Variants in FEM1B observed in about 807,000 individuals in gnomAD.
FEM1B encodes the protein fem-1 homolog B.
FEM1B carries 10 observed loss-of-function variants against 38.6 expected under a neutral mutation model. The ratio of observed to expected loss-of-function variants is 0.26; its 90% CI spans 0.16 to 0.44. The LOEUF is 0.44. Ranked by LOEUF, FEM1B falls within the 20% of genes least tolerant of loss-of-function variation. FEM1B has a pLI of 1.00. For missense variants in FEM1B, 471 were observed against 786.7 expected (o/e 0.60, Z 4.80); for synonymous variants, 288 against 288.0 (o/e 1.00, Z 0.00).
Position 68,281,962 on chromosome 15 carries a change from C to T in FEM1B, c.248+3297C>T, listed in dbSNP as rs1042081924. Among the ~76,000 whole-genome samples the T allele has an allele frequency of 3.3e-5, 5 of 151,866 alleles. No homozygotes were observed. The highest frequency in any genetic ancestry group is 4.2e-4 in the South Asian group (2 of 4,812). On this transcript the variant is annotated intron_variant, in intron 1 of 1. Coordinates refer to ENST00000306917, the MANE Select transcript of FEM1B (RefSeq NM_015322.5). This position sits in a 1 kb window ranked among gnomAD's most constrained non-coding sequence, Gnocchi z 5.1. ...ACATTTGAGATTATTTTACTTGTGG[C>T]GTGACATGTGAATACCATGTTGATA...
At position 68,294,998 on chromosome 15, in the gene FEM1B, C is replaced by T. The variant is rs891505553; in HGVS notation, c.*3756C>T. The T allele has an allele frequency of 2.6e-5, 4 of 152,154 alleles. No individual in the cohort carries two copies. The highest frequency in any genetic ancestry group is 5.9e-5 in the Non-Finnish European group (4 of 67,998). The allele number at this position is 152,154 out of a possible 1,614,324, so 9.4% of individuals were successfully genotyped here. A position where few individuals can be genotyped will look rare whatever the true frequency, so the allele number is the denominator to read the frequency against. On this transcript the variant is annotated 3_prime_UTR_variant, in exon 2 of 2. Coordinates refer to ENST00000306917, the MANE Select transcript of FEM1B (RefSeq NM_015322.5). This position sits in a 1 kb window ranked among gnomAD's most constrained non-coding sequence, Gnocchi z 4.4. Reference sequence around the variant, plus strand: ...CATTGCAGGGCTTTCTTATGTATTTCTGGCAGACTTGCCCAAATCTTTAGA... The same window carrying T: ...CATTGCAGGGCTTTCTTATGTATTTTTGGCAGACTTGCCCAAATCTTTAGA...
At chr15:68,283,126 T>C (rs1333390709) in intron 1 of FEM1B, among the ~76,000 whole-genome samples, 1 of 149,536 alleles carries the variant, frequency 6.7e-6, no homozygotes, top group Non-Finnish European at 1.5e-5. Flanking sequence ...GTAGTTTCCA[T>C]TATAAAAACC....
Position 68,288,124 on chromosome 15 carries a change from C to G in FEM1B, c.249-1483C>G, listed in dbSNP as rs1350605402. On this transcript the variant is annotated intron_variant, in intron 1 of 1. Transcript: ENST00000306917. The surrounding 1 kb of genome is among the most constrained non-coding windows in gnomAD (Gnocchi z 4.6). ...AGATGATAGGCGTGAGCCACCATGC[C>G]AGGCCTAACGCCTCTTGTGTGTGGT... Among the ~76,000 whole-genome samples, 1 of 152,228 alleles carries G rather than the reference C, an allele frequency of 6.6e-6. No homozygotes were observed. The highest frequency in any genetic ancestry group is 6.5e-5 in the Admixed American group (1 of 15,282).
At chr15:68,285,691 C>G (rs1228106830) in intron 1 of FEM1B, among the ~76,000 whole-genome samples, 2 of 143,466 alleles carry the variant, frequency 1.4e-5, no homozygotes, top group Non-Finnish European at 3.1e-5. Flanking sequence ...CTTGTTCAGT[C>G]TTTTTTTTTT....
In FEM1B at chr15:68,288,821, G is replaced by A. The variant is rs1239781138; in HGVS notation, c.249-786G>A. Among the ~76,000 whole-genome samples the A allele has an allele frequency of 1.3e-5, 2 of 152,042 alleles. No homozygotes were observed. The highest frequency in any genetic ancestry group is 6.6e-5 in the Admixed American group (1 of 15,250). ...TAAAACTTTTAAATTGGAGCATAAC[G>A]TAACTTAGAGAAAAATGCACTAATT... is the stretch of plus-strand genomic sequence containing the variant. On this transcript the variant is annotated intron_variant, in intron 1 of 1. Transcript: ENST00000306917. The surrounding 1 kb of genome is among the most constrained non-coding windows in gnomAD (Gnocchi z 4.6).
In FEM1B at chr15:68,278,600, G is replaced by A. The variant is rs762729208; in HGVS notation, c.183G>A (p.Val61=). Reference sequence around the variant, plus strand: ...CAGCCCGCAATGGACACGCAAAGGTGGTACGCTTGCTCTTAGAACATTACC... The same window carrying A: ...CAGCCCGCAATGGACACGCAAAGGTAGTACGCTTGCTCTTAGAACATTACC... ...IIAARNGHAK[V]VRLLLEHYRV... The change falls in exon 1 of 2, where the codon GTG becomes GTA. Residue 61 remains valine, a synonymous_variant. Coordinates refer to ENST00000306917, the MANE Select transcript of FEM1B (RefSeq NM_015322.5). The surrounding 1 kb of genome is among the most constrained non-coding windows in gnomAD (Gnocchi z 5.7). 6.2e-7 allele frequency: 1 copy of A among 1,614,122 alleles called. No homozygotes were observed. Among genetic ancestry groups the A allele is most frequent in the Admixed American group, 1.7e-5 (1 of 60,022 alleles).
Position 68,290,789 on chromosome 15 carries a change from T to C in FEM1B, c.1431T>C (p.Leu477=). 1 of 1,614,158 alleles carries C rather than the reference T, an allele frequency of 6.2e-7. No individual in the cohort carries two copies. The highest frequency in any genetic ancestry group is 8.5e-7 in the Non-Finnish European group (1 of 1,179,982). ...AGCAGATCTACAACCTGATTCACCT[T>C]GATCCCAGAACTCGTGAAGGTTTCA... ...INKQIYNLIH[L]DPRTREGFTL... The change falls in exon 2 of 2, where the codon CTT becomes CTC. Residue 477 remains leucine (L), a synonymous_variant. Transcript: ENST00000306917. This position sits in a 1 kb window ranked among gnomAD's most constrained non-coding sequence, Gnocchi z 9.7.
rs1041019527 is a variant in FEM1B, at chr15:68,277,750, C to T, written c.-668C>T. 2 of 152,378 alleles carry T rather than the reference C, an allele frequency of 1.3e-5. No individual in the cohort carries two copies. The highest frequency in any genetic ancestry group is 2.9e-5 in the Non-Finnish European group (2 of 68,110). 9.4% of individuals were successfully genotyped at this position (152,378 alleles called of 1,614,324 possible). ...GCGTCCCTCCCGCTCCCGCCCTCTC[C>T]TCCCGGCCCTGTCTGCGAAAGCTCG... On this transcript the variant is annotated 5_prime_UTR_variant, in exon 1 of 2. Transcript: ENST00000306917.
intron 1 of FEM1B, among the ~76,000 whole-genome samples, chr15:68,287,774 G>A (rs995576569): frequency 6.6e-6 from 1 of 151,422 alleles, no homozygotes; most frequent in Non-Finnish European, 1.5e-5. Context: ...GAGGAATCCT[G>A]TGTCCTCACA....
intron 1 of FEM1B, among the ~76,000 whole-genome samples, chr15:68,287,192 GATTCAT>G (rs1892798389): frequency 6.6e-6 from 1 of 152,000 alleles, no homozygotes; most frequent in South Asian, 2.1e-4. Context: ...CACCCGGCCT[GATTCAT>G]TCTTTAGTTA....
chr15:68,285,442 T>G (rs889753488), intron 1 of FEM1B, among the ~76,000 whole-genome samples: 1 of 152,212 alleles, frequency 6.6e-6, no homozygotes, highest in Non-Finnish European at 1.5e-5. Flanking sequence ...CCAAATAGTT[T>G]CCCCAAAGTT....
rs1892822328 is a variant in FEM1B, at chr15:68,289,325, CTT to C, written c.249-280_249-279del. The C allele has an allele frequency of 1.8e-5, 6 of 339,082 alleles. No homozygotes were observed. The South Asian group carries it at 3.0e-4, about 17-fold the overall frequency. The allele number at this position is 339,082 out of a possible 1,614,324, so 21.0% of individuals were successfully genotyped here. A position where few individuals can be genotyped will look rare whatever the true frequency, so the allele number is the denominator to read the frequency against. ...ATTTCCTCTGTGCCTTCTGAAGTGTCTTTACTTTTGCTAGTAGAAAGTTCGTG... is the reference window on the plus strand; with the variant it reads ...ATTTCCTCTGTGCCTTCTGAAGTGTCTACTTTTGCTAGTAGAAAGTTCGTG... On this transcript the variant is annotated intron_variant, in intron 1 of 1. Coordinates refer to ENST00000306917, the MANE Select transcript of FEM1B (RefSeq NM_015322.5). This position sits in a 1 kb window ranked among gnomAD's most constrained non-coding sequence, Gnocchi z 6.9.
Position 68,294,233 on chromosome 15 carries a change from T to C in FEM1B, c.*2991T>C, listed in dbSNP as rs1892879138. 1 of 152,206 alleles carries C rather than the reference T, an allele frequency of 6.6e-6. No homozygotes were observed. Among genetic ancestry groups the C allele is most frequent in the Admixed American group, 6.5e-5 (1 of 15,278 alleles). 9.4% of individuals were successfully genotyped at this position (152,206 alleles called of 1,614,324 possible). ...CATAGCTTTTTCAGTCCACCCTGGT[T>C]GCTCTAGTAGCCCACAGCCCAATCA... On this transcript the variant is annotated 3_prime_UTR_variant, in exon 2 of 2. Transcript: ENST00000306917. This position sits in a 1 kb window ranked among gnomAD's most constrained non-coding sequence, Gnocchi z 4.4.
rs1403882404 is a variant in FEM1B, at chr15:68,289,573, CTG to C, written c.249-32_249-31del. On this transcript the variant is annotated intron_variant, in intron 1 of 1. Transcript: ENST00000306917. The surrounding 1 kb of genome is among the most constrained non-coding windows in gnomAD (Gnocchi z 6.9). ...TTAAACATATGTTAGGCTGTGGCCT[CTG>C]TTATCTAACTGCTTATTCTTTTCAT... 2 of 1,553,864 alleles carry C rather than the reference CTG, an allele frequency of 1.3e-6. No individual in the cohort carries two copies. The highest frequency in any genetic ancestry group is 1.4e-5 in the African/African-American group (1 of 73,670).
chr15:68,281,507 A>G lies in FEM1B; in HGVS notation c.248+2842A>G, dbSNP rs142077319. 8.8e-3 allele frequency among the ~76,000 whole-genome samples: 1,345 copies of G among 152,360 alleles called. 18 individuals carry two copies. Among genetic ancestry groups the G allele is most frequent in the African/African-American group, 0.03 (1,268 of 41,576 alleles). On this transcript the variant is annotated intron_variant, in intron 1 of 1. Coordinates refer to ENST00000306917, the MANE Select transcript of FEM1B (RefSeq NM_015322.5). This position sits in a 1 kb window ranked among gnomAD's most constrained non-coding sequence, Gnocchi z 5.1. ...ATATTACAAAAGTTTTAAAAAGTCTATTCTACCTAAAACCTTCTATAATAC... is the reference window on the plus strand; with the variant it reads ...ATATTACAAAAGTTTTAAAAAGTCTGTTCTACCTAAAACCTTCTATAATAC...
rs1351709313 is a variant in FEM1B, at chr15:68,290,667, A to G, written c.1309A>G (p.Met437Val). The change falls in exon 2 of 2, where the codon ATG becomes GTG. Residue 437 changes from methionine (M) to valine (V), a missense_variant. Transcript: ENST00000306917. The surrounding 1 kb of genome is among the most constrained non-coding windows in gnomAD (Gnocchi z 9.7). Reference sequence around the variant, plus strand: ...TTCAGATGCTGATGTCCACAATGCTATGGACAATTATGAATGTAATCTCTA... The same window carrying G: ...TTCAGATGCTGATGTCCACAATGCTGTGGACAATTATGAATGTAATCTCTA... ...NISDADVHNA[M>V]DNYECNLYTF... 27 of 1,610,186 alleles carry G rather than the reference A, an allele frequency of 1.7e-5. No individual in the cohort carries two copies. The highest frequency in any genetic ancestry group is 1.3e-4 in the Admixed American group (8 of 60,006).
rs1182703064 is a variant in FEM1B at position 68,288,340 on chromosome 15, T to C, written c.249-1267T>C. The stretch of plus-strand genomic sequence containing the variant: ...ATTTGACCAGTGTTATAAGGTTGTA[T>C]AGTGAGAAGCTCACTAGTGTGGTTT... On this transcript the variant is annotated intron_variant, in intron 1 of 1. Transcript: ENST00000306917. This position sits in a 1 kb window ranked among gnomAD's most constrained non-coding sequence, Gnocchi z 4.6. 6.6e-6 allele frequency among the ~76,000 whole-genome samples: 1 copy of C among 152,234 alleles called. No individual in the cohort carries two copies.
chr15:68,289,386 C>G lies in FEM1B; in HGVS notation c.249-221C>G. 1.8e-6 allele frequency: 1 copy of G among 546,828 alleles called. No individual in the cohort carries two copies. Among genetic ancestry groups the G allele is most frequent in the Non-Finnish European group, 3.2e-6 (1 of 307,770 alleles). The allele number at this position is 546,828 out of a possible 1,614,324, so 33.9% of individuals were successfully genotyped here. On this transcript the variant is annotated intron_variant, in intron 1 of 1. Transcript: ENST00000306917. The surrounding 1 kb of genome is among the most constrained non-coding windows in gnomAD (Gnocchi z 6.9). ...GGTTTGTTTTTTAGGGTTATATACTCTAGTAGTAACAGTAATAGCTAGCAT... is the reference window on the plus strand; with the variant it reads ...GGTTTGTTTTTTAGGGTTATATACTGTAGTAGTAACAGTAATAGCTAGCAT...
At position 68,283,547 on chromosome 15, in the gene FEM1B, G is replaced by A. The variant is rs534474219; in HGVS notation, c.248+4882G>A. ...AAAAAAAAAAAGGTAGTATGCAGGAGGCTGAGGTGGATGGATCCCTTGAGC... is the reference window on the plus strand; with the variant it reads ...AAAAAAAAAAAGGTAGTATGCAGGAAGCTGAGGTGGATGGATCCCTTGAGC... On this transcript the variant is annotated intron_variant, in intron 1 of 1. Coordinates refer to ENST00000306917, the MANE Select transcript of FEM1B (RefSeq NM_015322.5). Among the ~76,000 whole-genome samples the A allele has an allele frequency of 1.3e-4, 20 of 149,256 alleles. No individual in the cohort carries two copies. In the South Asian group the frequency reaches 4.2e-3, roughly 32 times the overall value.
Sources: allele counts gnomAD v4.1 joint callset (sites outside exome capture counted in the v4.1 genomes callset), GRCh38; gene constraint gnomAD v4.1.1; non-coding constraint Gnocchi (gnomAD v3.1); transcripts MANE v1.5; gene names NCBI Gene and HGNC (gene_info 2026-07-23, HGNC 2026-07-21).